The following RPGR variants were observed in gnomAD, a reference collection of about 807,000 sequenced individuals.
The protein encoded by RPGR is X-linked retinitis pigmentosa GTPase regulator.
RPGR carries 10 observed loss-of-function variants against 56.3 expected under a neutral mutation model. The observed-to-expected ratio is 0.18, with a 90% CI of 0.11 to 0.30. The LOEUF (loss-of-function observed/expected upper bound fraction) is 0.30, where lower values mean the gene tolerates loss of function less well. Among genes scored for constraint, RPGR ranks in the 10% least tolerant of loss-of-function variants. The pLI is 1.00. For missense variants in RPGR, 538 were observed against 590.9 expected, an observed-to-expected ratio of 0.91 and a Z score of 0.93; for synonymous variants, 197 against 212.9, an observed-to-expected ratio of 0.93 and a Z score of 0.65.
intron 11 of RPGR, among the ~76,000 whole-genome samples, chrX:38,296,325 A>T (rs529206776): frequency 2.0e-4 from 22 of 111,404 alleles, no homozygotes; most frequent in African/African-American, 7.2e-4. Flanking sequence ...AAAAAAAAAA[A>T]TTATTTGCCA....
At chrX:38,315,538 G>A (rs1401192097) in intron 6 of RPGR, among the ~76,000 whole-genome samples, 1 of 111,472 alleles carries the variant, frequency 9.0e-6, no homozygotes, top group African/African-American at 3.3e-5. Context: ...GAAATAAAGA[G>A]TAGAAGGATT....
chrX:38,309,360 CAAAGA>C (rs1454539457), intron 7 of RPGR, among the ~76,000 whole-genome samples: 3 of 111,579 alleles, frequency 2.7e-5, no homozygotes, highest in Non-Finnish European at 5.6e-5. Flanking sequence ...GTAAATGTCA[CAAAGA>C]AAAGAATTAT....
rs1280136017 is a variant in RPGR, at chrX:38,269,589, C to CA, written c.*36dup. 13 of 1,013,130 alleles carry CA rather than the reference C, an allele frequency of 1.3e-5. No individual in the cohort carries two copies. The highest frequency in any genetic ancestry group is 1.7e-5 in the Non-Finnish European group (12 of 719,964). 83.5% of individuals were successfully genotyped at this position (1,013,130 alleles called of 1,213,427 possible). A position where few individuals can be genotyped will look rare whatever the true frequency, so the allele number is the denominator to read the frequency against. On this transcript the variant is annotated 3_prime_UTR_variant, in exon 19 of 19. Transcript: ENST00000642395. Reference sequence around the variant, plus strand: ...TATAACATTTTTCAAGTATACATTACAATACACTTGGTGACTGTGAAAACA... The same window carrying CA: ...TATAACATTTTTCAAGTATACATTACAAATACACTTGGTGACTGTGAAAACA...
chrX:38,287,815 T>C, intron 14 of RPGR, 46 bp downstream of exon 14: 1 of 1,112,950 alleles, frequency 9.0e-7, no homozygotes, highest in Non-Finnish European at 1.2e-6. Flanking sequence ...TTGTAAACCC[T>C]CTCCATCAGT....
At chrX:38,315,373 C>G (rs962453330) in intron 6 of RPGR, among the ~76,000 whole-genome samples, 3 of 111,475 alleles carry the variant, frequency 2.7e-5, no homozygotes, top group African/African-American at 9.8e-5. Flanking sequence ...CAATAGAGTA[C>G]TATTCAGCCA....
At chrX:38,308,168 A>C (rs968285140) in intron 7 of RPGR, 1 of 111,806 alleles carries the variant, frequency 8.9e-6, no homozygotes, top group Non-Finnish European at 1.9e-5. Context: ...ATGCAAGGAC[A>C]CTTCTTTCTT....
rs1305812896 is a variant in RPGR, at chrX:38,315,834, T to TAG, written c.619+1481_619+1482insCT. Among the ~76,000 whole-genome samples, 103 of 88,393 alleles carry TAG rather than the reference T, an allele frequency of 1.2e-3. 2 individuals carry two copies. Among genetic ancestry groups the TAG allele is most frequent in the South Asian group, 5.2e-3 (10 of 1,938 alleles). 76.8% of individuals were successfully genotyped at this position (88,393 alleles called of 115,157 possible). A position where few individuals can be genotyped will look rare whatever the true frequency, so the allele number is the denominator to read the frequency against. On this transcript the variant is annotated intron_variant, in intron 6 of 18. Coordinates refer to ENST00000642395, the MANE Select transcript of RPGR (RefSeq NM_000328.3). ...CCATATATATACATATATATATATA[T>TAG]ATATAGAGAGAGAGAGAGAGAGAGA...
At chrX:38,317,284 A>G in intron 6 of RPGR, 32 bp downstream of exon 6, 10 of 1,164,490 alleles carry the variant, frequency 8.6e-6, no homozygotes, top group Non-Finnish European at 1.2e-6. Context: ...TAGAAGTGGG[A>G]GATAACATGA....
At position 38,303,787 on chromosome X, in the gene RPGR, T is replaced by A. The variant is rs1601950552; in HGVS notation, c.934+848A>T. ...CAGATACCATTAGATGAGCAGTAGT[T>A]TTTTCAGGAGCTTTTTCATAGCAGT... On this transcript the variant is annotated intron_variant, in intron 8 of 18. Transcript: ENST00000642395. 3.0e-5 allele frequency: 9 copies of A among 295,371 alleles called. No individual in the cohort carries two copies. The South Asian group carries it at 1.9e-3, about 61-fold the overall frequency. The allele number at this position is 295,371 out of a possible 1,213,427, so 24.3% of individuals were successfully genotyped here.
chrX:38,323,980 T>C (rs1255667681), intron 1 of RPGR, among the ~76,000 whole-genome samples: 3 of 112,212 alleles, frequency 2.7e-5, no homozygotes, highest in Non-Finnish European at 5.6e-5. Flanking sequence ...AGGCTATCCA[T>C]GGGGAGAGTC....
At chrX:38,304,392 A>C (rs2067557256) in intron 8 of RPGR, among the ~76,000 whole-genome samples, 1 of 112,228 alleles carries the variant, frequency 8.9e-6, no homozygotes, top group Non-Finnish European at 1.9e-5. Flanking sequence ...CTATGGTCTA[A>C]CTTCTGACAT....
chrX:38,314,492 T>C (rs996456982), intron 6 of RPGR, among the ~76,000 whole-genome samples: 2 of 111,235 alleles, frequency 1.8e-5, no homozygotes, highest in Non-Finnish European at 3.8e-5. Context: ...GCTCCACAAA[T>C]TCCTGCCCCC....
chrX:38,317,368 C>T lies in RPGR; in HGVS notation c.567G>A (p.Gly189=). 8.3e-7 allele frequency: 1 copy of T among 1,209,473 alleles called. No individual in the cohort carries two copies. The highest frequency in any genetic ancestry group is 1.7e-5 in the African/African-American group (1 of 57,679). The stretch of plus-strand genomic sequence containing the variant: ...CACAAGAGATCCAGGAGACAGGTTT[C>T]CCAATGGTCACTTGCTGAGGGACAC... Residue 189 remains glycine, a synonymous_variant, in exon 6 of 19, where the codon GGG becomes GGA. Transcript: ENST00000642395.
At chrX:38,315,478 C>G (rs940939742) in intron 6 of RPGR, among the ~76,000 whole-genome samples, 1 of 111,920 alleles carries the variant, frequency 8.9e-6, no homozygotes, top group Non-Finnish European at 1.9e-5. Flanking sequence ...AAGACATACA[C>G]TGCGTGTTCT....
At chrX:38,277,985 C>T (rs2066965583) in intron 15 of RPGR, among the ~76,000 whole-genome samples, 1 of 112,069 alleles carries the variant, frequency 8.9e-6, no homozygotes, top group Non-Finnish European at 1.9e-5. Flanking sequence ...AGCATTCCCA[C>T]TGAGGACAGG....
At chrX:38,281,751 A>AACCACC (rs887413624) in intron 15 of RPGR, among the ~76,000 whole-genome samples, 2 of 111,413 alleles carry the variant, frequency 1.8e-5, no homozygotes, top group Admixed American at 9.5e-5. Flanking sequence ...GTCAAATAAC[A>AACCACC]ACCACCACCA....
At chrX:38,286,736 C>T (rs2067187426) in intron 15 of RPGR, 1 of 1,153,275 alleles carries the variant, frequency 8.7e-7, no homozygotes, top group Non-Finnish European at 1.2e-6. Context: ...TCCTCTTTCC[C>T]TTCTCCCTCC....
intron 15 of RPGR, chrX:38,285,754 C>T (rs1243792681): frequency 8.3e-7 from 1 of 1,211,141 alleles, no homozygotes; most frequent in South Asian, 1.8e-5. Context: ...GTACTCCTCT[C>T]CATCCTGCCT....
intron 9 of RPGR, among the ~76,000 whole-genome samples, chrX:38,299,924 C>T (rs920926302): frequency 2.7e-5 from 3 of 111,190 alleles, no homozygotes; most frequent in African/African-American, 9.8e-5. Flanking sequence ...TTTCGTTCAT[C>T]ACTGTATACA....
Sources: allele counts gnomAD v4.1 joint callset (sites outside exome capture counted in the v4.1 genomes callset), GRCh38; gene constraint gnomAD v4.1.1; transcripts MANE v1.5; gene names NCBI Gene and HGNC (gene_info 2026-07-23, HGNC 2026-07-21).